Variants in GRAMD2B observed in about 807,000 individuals in gnomAD.
GRAMD2B encodes GRAM domain-containing protein 2B.
In GRAMD2B, 41 loss-of-function variants were observed where a neutral mutation model predicts 59.2. The observed-to-expected ratio is 0.69, with a 90% confidence interval of 0.54 to 0.90. GRAMD2B has a LOEUF of 0.90. Among genes scored for constraint, GRAMD2B ranks in the 40% least tolerant of loss-of-function variants. The pLI, the probability that GRAMD2B is intolerant of heterozygous loss-of-function variation, is 0.00. For synonymous variants in GRAMD2B, 161 were observed against 182.7 expected (o/e 0.88, Z 0.96); for missense variants, 424 against 500.5 (o/e 0.85, Z 1.46).
chr5:126,388,666 A>C (rs1382082868), intron 1 of GRAMD2B, among the ~76,000 whole-genome samples: 2 of 151,398 alleles, frequency 1.3e-5, no homozygotes, highest in East Asian at 3.9e-4. Context: ...TAAGCCATGT[A>C]ATTCAGCACA....
At chr5:126,394,385 G>A (rs1175279989) in intron 1 of GRAMD2B, among the ~76,000 whole-genome samples, 1 of 152,124 alleles carries the variant, frequency 6.6e-6, no homozygotes, top group African/African-American at 2.4e-5. Context: ...TTAAAGGTTT[G>A]TTATATGGTA....
upstream of GRAMD2B, among the ~76,000 whole-genome samples, chr5:126,420,054 C>CAAAAAAAAAAAAAAAAAAAA (rs386404926): frequency 1.9e-5 from 2 of 103,650 alleles, no homozygotes; most frequent in African/African-American, 3.8e-5. Context: ...GACTCTTTCT[C>CAAAAAAAAAAAAAAAAAAAA]AAAAAAAAAA....
chr5:126,395,085 A>G (rs1191852200), intron 1 of GRAMD2B, among the ~76,000 whole-genome samples: 2 of 56,838 alleles, frequency 3.5e-5, no homozygotes, highest in Non-Finnish European at 5.2e-5. Context: ...ACTTAGAGTT[A>G]CACTTTTTTT....
chr5:126,391,368 G>T (rs1026972590), intron 1 of GRAMD2B, among the ~76,000 whole-genome samples: 3 of 135,380 alleles, frequency 2.2e-5, no homozygotes, highest in African/African-American at 8.0e-5. Flanking sequence ...GTCAGTTATA[G>T]CTCAACAAAG....
At chr5:126,419,961 A>G (rs1356935375), upstream of GRAMD2B, among the ~76,000 whole-genome samples, 1 of 149,344 alleles carries the variant, frequency 6.7e-6, no homozygotes, top group Non-Finnish European at 1.5e-5. Flanking sequence ...AGGCTGAGGC[A>G]GGAGAATTGC....
intron 2 of GRAMD2B, among the ~76,000 whole-genome samples, chr5:126,468,493 A>G (rs1768888142): frequency 6.6e-6 from 1 of 151,598 alleles, no homozygotes; most frequent in African/African-American, 2.4e-5. Context: ...TTTTAATTTA[A>G]CTTTATTTTT....
In GRAMD2B at chr5:126,484,392, G is replaced by A. The variant is rs1772474911; in HGVS notation, c.848-10G>A. 1 of 1,611,952 alleles carries A rather than the reference G, an allele frequency of 6.2e-7. No homozygotes were observed. The highest frequency in any genetic ancestry group is 8.5e-7 in the Non-Finnish European group (1 of 1,179,382). On this transcript the variant is annotated splice_polypyrimidine_tract_variant and intron_variant, in intron 9 of 13. Coordinates refer to ENST00000285689, the MANE Select transcript of GRAMD2B (RefSeq NM_023927.4). ...GAGAACACTTACCCAGCTCTGTTTT[G>A]GCTTAGTAGATTTCCATGCGACAGA...
At chr5:126,447,400 C>G (rs540377194) in intron 1 of GRAMD2B, among the ~76,000 whole-genome samples, 1 of 152,184 alleles carries the variant, frequency 6.6e-6, no homozygotes, top group African/African-American at 2.4e-5. Flanking sequence ...CAGTGGCTCA[C>G]GCCTGTAATC....
intron 1 of GRAMD2B, among the ~76,000 whole-genome samples, chr5:126,401,384 C>G (rs1757822911): frequency 6.6e-6 from 1 of 152,040 alleles, no homozygotes; most frequent in Admixed American, 6.6e-5. Flanking sequence ...TGTTTTATAG[C>G]TCACTGAGCT....
intron 1 of GRAMD2B, among the ~76,000 whole-genome samples, chr5:126,386,399 T>G (rs1318380338): frequency 2.0e-5 from 3 of 152,234 alleles, no homozygotes; most frequent in Non-Finnish European, 4.4e-5. Context: ...AGTTGTCAAT[T>G]GCTTCACAGC....
At chr5:126,363,602 A>G (rs1754316903) in intron 1 of GRAMD2B, among the ~76,000 whole-genome samples, 1 of 152,246 alleles carries the variant, frequency 6.6e-6, no homozygotes, top group Non-Finnish European at 1.5e-5. Flanking sequence ...ATATCCATAC[A>G]ATAGAATATT....
At chr5:126,441,919 C>T (rs889105952) in intron 1 of GRAMD2B, among the ~76,000 whole-genome samples, 1 of 151,968 alleles carries the variant, frequency 6.6e-6, no homozygotes, top group Non-Finnish European at 1.5e-5. Flanking sequence ...TCTGTTTCCT[C>T]GCGTTAAAAA....
At chr5:126,422,092 A>G (rs1044231222), upstream of GRAMD2B, among the ~76,000 whole-genome samples, 1 of 152,206 alleles carries the variant, frequency 6.6e-6, no homozygotes, top group African/African-American at 2.4e-5. Flanking sequence ...TGCTATAACA[A>G]GTCAATGTTT....
chr5:126,425,340 A>T (rs561200262), intron 1 of GRAMD2B, among the ~76,000 whole-genome samples: 1 of 152,384 alleles, frequency 6.6e-6, no homozygotes, highest in African/African-American at 2.4e-5. Context: ...TATATACACA[A>T]TATTATTCAG....
At chr5:126,403,321 A>C (rs1483366344) in intron 1 of GRAMD2B, among the ~76,000 whole-genome samples, 1 of 152,044 alleles carries the variant, frequency 6.6e-6, no homozygotes, top group Non-Finnish European at 1.5e-5. Flanking sequence ...TCATTTTATG[A>C]GCAAACCTAG....
intron 1 of GRAMD2B, among the ~76,000 whole-genome samples, chr5:126,464,217 C>T (rs1229270389): frequency 6.6e-6 from 1 of 152,170 alleles, no homozygotes; most frequent in Non-Finnish European, 1.5e-5. Flanking sequence ...CCTGCCTGCA[C>T]AGTCATATGC....
chr5:126,390,255 C>T (rs1388235434), intron 1 of GRAMD2B, among the ~76,000 whole-genome samples: 1 of 152,166 alleles, frequency 6.6e-6, no homozygotes, highest in Non-Finnish European at 1.5e-5. Context: ...CCCTAACCTG[C>T]TTCTGTACCC....
At chr5:126,367,044 C>T (rs186260432), upstream of GRAMD2B, among the ~76,000 whole-genome samples, 1 of 151,730 alleles carries the variant, frequency 6.6e-6, no homozygotes, top group Admixed American at 6.6e-5. Flanking sequence ...TTAGTAGAGA[C>T]GGTGGTTTCA....
At chr5:126,428,471 A>G (rs7736727) in intron 1 of GRAMD2B, among the ~76,000 whole-genome samples, 29,118 of 152,088 alleles carry the variant, frequency 0.19, 2,882 homozygotes, top group Admixed American at 0.27. Flanking sequence ...GGTTTTGAAA[A>G]AAATATATAG....
Sources: allele counts gnomAD v4.1 joint callset (sites outside exome capture counted in the v4.1 genomes callset), GRCh38; gene constraint gnomAD v4.1.1; transcripts MANE v1.5; gene names NCBI Gene and HGNC (gene_info 2026-07-23, HGNC 2026-07-21).